The following FNIP1 variants were observed in gnomAD, a reference collection of about 807,000 sequenced individuals.
The protein encoded by FNIP1 is folliculin-interacting protein 1.
A neutral mutation model predicts 124.5 loss-of-function variants in FNIP1; 40 were observed. That is an observed-to-expected ratio of 0.32 (90% CI 0.25 to 0.42). The LOEUF (loss-of-function observed/expected upper bound fraction) is 0.42. Among genes scored for constraint, FNIP1 ranks in the 10% least tolerant of loss-of-function variants. The pLI is 1.00. For missense variants in FNIP1, 1,176 were observed against 1,403.7 expected, an observed-to-expected ratio of 0.84 and a Z score of 2.59; for synonymous variants, 472 against 470.6, an observed-to-expected ratio of 1.00 and a Z score of -0.04.
chr5:131,790,328 A>T (rs774259282), intron 1 of FNIP1, among the ~76,000 whole-genome samples: 49 of 152,282 alleles, frequency 3.2e-4, no homozygotes, highest in Non-Finnish European at 6.2e-4. Context: ...AAAATAAAAA[A>T]TTAGCCAGCC....
intron 13 of FNIP1, among the ~76,000 whole-genome samples, chr5:131,674,287 CA>C (rs1767849395): frequency 6.6e-6 from 1 of 152,154 alleles, no homozygotes; most frequent in Non-Finnish European, 1.5e-5. Flanking sequence ...AGTTCATTTT[CA>C]CTTTTGAATC....
In FNIP1 at chr5:131,698,944, C is replaced by T. The variant is rs748684299; in HGVS notation, c.1175G>A (p.Arg392Gln). The change falls in exon 11 of 18, where the codon CGA (arginine) becomes CAA (glutamine). Residue 392 changes from arginine (R) to glutamine (Q), a missense_variant. Arg to Gln is a conservative substitution (Grantham distance 43). Around this residue, in one of 2 missense-constraint regions of FNIP1, gnomAD observed 1,109 missense variants for 1,288.5 expected, o/e 0.86. Transcript: ENST00000510461. ...DASQRSLAYN[R>Q]IVDALNEFRT... ...GAATTCATTTAGGGCATCAACTATT[C>T]GATTATATGCCAAACTTCTCTGACT... 3.1e-6 allele frequency: 5 copies of T among 1,610,956 alleles called. No homozygotes were observed. Among genetic ancestry groups the T allele is most frequent in the African/African-American group, 2.7e-5 (2 of 74,746 alleles).
At position 131,744,560 on chromosome 5, in the gene FNIP1, T is replaced by C; in HGVS notation, c.219+4A>G. On this transcript the variant is annotated splice_donor_region_variant and intron_variant, in intron 2 of 17. Coordinates refer to ENST00000510461, the MANE Select transcript of FNIP1 (RefSeq NM_133372.3). ...AAGTCAACCAAATCAATAATGATGC[T>C]CACCGATACTGATATGTCCTCATTT... The C allele has an allele frequency of 6.3e-7, 1 of 1,575,622 alleles. No individual in the cohort carries two copies. Among genetic ancestry groups the C allele is most frequent in the Non-Finnish European group, 8.6e-7 (1 of 1,160,566 alleles).
chr5:131,654,337 C>G (rs1165957645), intron 15 of FNIP1, among the ~76,000 whole-genome samples: 1 of 152,112 alleles, frequency 6.6e-6, no homozygotes, highest in Non-Finnish European at 1.5e-5. Flanking sequence ...GAGATTAAAA[C>G]TATAATATGA....
At position 131,710,567 on chromosome 5, in the gene FNIP1, A is replaced by G; in HGVS notation, c.706+11T>C. 1 of 1,613,052 alleles carries G rather than the reference A, an allele frequency of 6.2e-7. No individual in the cohort carries two copies. The highest frequency in any genetic ancestry group is 1.3e-5 in the African/African-American group (1 of 74,970). ...ACACCAACTAGTCTACCCACACAGCACATCGCAAACCTGCAAAGAAAGAGG... is the reference window on the plus strand; with the variant it reads ...ACACCAACTAGTCTACCCACACAGCGCATCGCAAACCTGCAAAGAAAGAGG... On this transcript the variant is annotated intron_variant, in intron 7 of 17. Transcript: ENST00000510461.
intron 11 of FNIP1, among the ~76,000 whole-genome samples, chr5:131,688,963 C>A (rs756990769): frequency 6.6e-6 from 1 of 151,268 alleles, no homozygotes; most frequent in Non-Finnish European, 1.5e-5. Flanking sequence ...TAGTAACAGA[C>A]AACAAACCAT....
At position 131,672,824 on chromosome 5, in the gene FNIP1, A is replaced by T; in HGVS notation, c.1620T>A (p.Thr540=). 1 of 1,613,274 alleles carries T rather than the reference A, an allele frequency of 6.2e-7. No homozygotes were observed. The highest frequency in any genetic ancestry group is 8.5e-7 in the Non-Finnish European group (1 of 1,179,752). The change falls in exon 14 of 18, where the codon ACT becomes ACA. Residue 540 remains threonine, a synonymous_variant. Coordinates refer to ENST00000510461, the MANE Select transcript of FNIP1 (RefSeq NM_133372.3). ...GAAGTTCAGAGCATCTTATAAAATA[A>T]GTAAGAAAATAAAGTAGCCTCTGGA... is the stretch of plus-strand genomic sequence containing the variant. ...DMVQRLLYFL[T]YFIRCSELQE...
chr5:131,747,302 C>T (rs1452379585), intron 1 of FNIP1, among the ~76,000 whole-genome samples: 3 of 152,118 alleles, frequency 2.0e-5, no homozygotes, highest in Admixed American at 6.6e-5. Flanking sequence ...TATGTGTAAC[C>T]GGCAACATAA....
In FNIP1 at chr5:131,716,545, A is replaced by G. The variant is rs182057525; in HGVS notation, c.622+20T>C. ...CCTGCTAGTATTTTTTAAACTTATAAAATCAAAGGAACCATTTACCTATAT... is the reference window on the plus strand; with the variant it reads ...CCTGCTAGTATTTTTTAAACTTATAGAATCAAAGGAACCATTTACCTATAT... On this transcript the variant is annotated intron_variant, in intron 6 of 17. Transcript: ENST00000510461. The G allele has an allele frequency of 3.3e-6, 5 of 1,521,308 alleles. No individual in the cohort carries two copies. The East Asian group carries it at 1.2e-4, about 35-fold the overall frequency. The allele number at this position is 1,521,308 out of a possible 1,614,324, so 94.2% of individuals were successfully genotyped here.
Position 131,644,585 on chromosome 5 carries a change from G to C in FNIP1, c.*100C>G. 1 of 976,422 alleles carries C rather than the reference G, an allele frequency of 1.0e-6. No individual in the cohort carries two copies. Among genetic ancestry groups the C allele is most frequent in the Admixed American group, 2.0e-5 (1 of 50,844 alleles). The allele number at this position is 976,422 out of a possible 1,614,324, so 60.5% of individuals were successfully genotyped here. On this transcript the variant is annotated 3_prime_UTR_variant, in exon 18 of 18. Transcript: ENST00000510461. Reference sequence around the variant, plus strand: ...CCCTGGTGACTGACTCATTCAGATGGAAGTCTAAAAGGGAAAAAGAATCTC... The same window carrying C: ...CCCTGGTGACTGACTCATTCAGATGCAAGTCTAAAAGGGAAAAAGAATCTC...
intron 2 of FNIP1, among the ~76,000 whole-genome samples, chr5:131,733,158 G>C (rs2149551782): frequency 6.6e-6 from 1 of 152,266 alleles, no homozygotes; most frequent in East Asian, 1.9e-4. Flanking sequence ...AAGAATGCTT[G>C]TGATTTTTGC....
chr5:131,657,019 C>CT (rs71000999), intron 15 of FNIP1, among the ~76,000 whole-genome samples: 9,202 of 89,638 alleles, frequency 0.1, 718 homozygotes, highest in African/African-American at 0.21. Flanking sequence ...CCACCCATGC[C>CT]TTTTTTTTTT....
intron 1 of FNIP1, among the ~76,000 whole-genome samples, chr5:131,775,465 T>A (rs111774304): frequency 8.8e-6 from 1 of 113,972 alleles, no homozygotes; most frequent in East Asian, 2.2e-4. Flanking sequence ...ATATGTATCA[T>A]CTAATAATTC....
chr5:131,789,508 A>G (rs1172469002), intron 1 of FNIP1, among the ~76,000 whole-genome samples: 2 of 152,190 alleles, frequency 1.3e-5, no homozygotes, highest in African/African-American at 4.8e-5. Flanking sequence ...ATCCTATAGA[A>G]ATAATAGAAA....
In FNIP1 at chr5:131,739,102, C is replaced by T. The variant is rs181979974; in HGVS notation, c.219+5462G>A. On this transcript the variant is annotated intron_variant, in intron 2 of 17. Transcript: ENST00000510461. The stretch of plus-strand genomic sequence containing the variant: ...AAGTGCTGGGTTTACAGGCGTGAGC[C>T]ACTGCACCCAGCCTAGAGATACCTT... Among the ~76,000 whole-genome samples, 728 of 152,298 alleles carry T rather than the reference C, an allele frequency of 4.8e-3. 2 individuals carry two copies. Among genetic ancestry groups the T allele is most frequent in the Non-Finnish European group, 8.0e-3 (542 of 68,038 alleles).
chr5:131,754,036 T>C (rs1561691066), intron 1 of FNIP1, among the ~76,000 whole-genome samples: 1 of 152,184 alleles, frequency 6.6e-6, no homozygotes. Context: ...ATGTTCTTGA[T>C]CTCTTGACCT....
intron 11 of FNIP1, among the ~76,000 whole-genome samples, chr5:131,684,231 C>T (rs1307145775): frequency 6.6e-6 from 1 of 152,190 alleles, no homozygotes; most frequent in Non-Finnish European, 1.5e-5. Context: ...TTAGACCTTG[C>T]TTGATCTAAA....
intron 1 of FNIP1, among the ~76,000 whole-genome samples, chr5:131,793,660 A>G (rs922165250): frequency 6.6e-6 from 1 of 152,192 alleles, no homozygotes; most frequent in Non-Finnish European, 1.5e-5. Context: ...ATAAAAGACA[A>G]TACAGAAAGG....
At chr5:131,751,997 C>A (rs1243593696) in intron 1 of FNIP1, among the ~76,000 whole-genome samples, 1 of 152,134 alleles carries the variant, frequency 6.6e-6, no homozygotes, top group African/African-American at 2.4e-5. Context: ...TGAAGTATAT[C>A]TCAGCAATAA....
Sources: gnomAD v4.1 joint callset for allele counts (sites outside exome capture counted in the v4.1 genomes callset) on GRCh38, gnomAD v4.1.1 for gene constraint, gnomAD v4.1.1 regional missense constraint, MANE v1.5 for transcripts, NCBI Gene and HGNC (gene_info 2026-07-23, HGNC 2026-07-21) for gene names.